ZNF519: variants seen among roughly 807,000 people sequenced by gnomAD.
ZNF519 encodes zinc finger protein 519, also known as similar to Zinc finger protein 85 (Zinc finger protein HPF4) (HTF1).
Under a neutral mutation model 7.4 loss-of-function variants are expected in ZNF519, and 7 were observed. The observed-to-expected ratio is 0.94, with a 90% CI of 0.54 to 1.77. The LOEUF (loss-of-function observed/expected upper bound fraction) is 1.77, where lower values mean the gene tolerates loss of function less well. Ranked by LOEUF, ZNF519 falls within the 40% of genes most tolerant of loss-of-function variation. The pLI is 0.00. For synonymous variants in ZNF519, 179 were observed against 203.3 expected (o/e 0.88, Z 1.02); for missense variants, 586 against 623.1 (o/e 0.94, Z 0.63).
chr18:14,119,788 G>A (rs939072630), intron 2 of ZNF519, among the ~76,000 whole-genome samples: 1 of 151,910 alleles, frequency 6.6e-6, no homozygotes, highest in Admixed American at 6.6e-5. Context: ...TTTCCATACA[G>A]TAACAACAAA....
chr18:14,085,414 GA>G (rs2046086464), intron 2 of ZNF519, among the ~76,000 whole-genome samples: 1 of 151,410 alleles, frequency 6.6e-6, no homozygotes, highest in South Asian at 2.1e-4. Context: ...GATTTTTTTG[GA>G]AAAAAAATTT....
rs747985613 is a variant in ZNF519, at chr18:14,105,435, T to C, written c.1105A>G (p.Ile369Val). 6.2e-7 allele frequency: 1 copy of C among 1,613,838 alleles called. No homozygotes were observed. Among genetic ancestry groups the C allele is most frequent in the East Asian group, 2.2e-5 (1 of 44,842 alleles). The stretch of plus-strand genomic sequence containing the variant: ...CTGAAAGGTTTCTCTCCGGTATGGA[T>C]TCTCTGGTGTTGAGTAAGGTATGAC... The part of the protein sequence containing the change: ...RGSYLTQHQR[I>V]HTGEKPFRCK... The change falls in exon 3 of 3, where the codon ATC becomes GTC. Residue 369 changes from isoleucine (I) to valine (V), a missense_variant. By Grantham distance (29) the Ile-to-Val change is conservative (BLOSUM62 3). Coordinates refer to ENST00000590202, the MANE Select transcript of ZNF519 (RefSeq NM_145287.4).
chr18:14,123,207 A>G (rs2046278465), intron 2 of ZNF519: 2 of 151,758 alleles, frequency 1.3e-5, no homozygotes, highest in East Asian at 3.9e-4. Flanking sequence ...AGATAGCAAC[A>G]CTTGTTTTAT....
Position 14,105,927 on chromosome 18 carries a change from G to C in ZNF519, c.613C>G (p.Gln205Glu). 3 of 1,609,228 alleles carry C rather than the reference G, an allele frequency of 1.9e-6. No individual in the cohort carries two copies. The highest frequency in any genetic ancestry group is 2.5e-6 in the Non-Finnish European group (3 of 1,178,062). ...KLIFPENIHI[Q>E]KKPYNSNECG... ...TCATTAGAGTTGTAAGGCTTTTTTT[G>C]AATATGGATATTTTCAGGGAAAATA... The change falls in exon 3 of 3, where the codon CAA becomes GAA. Residue 205 changes from glutamine (Q) to glutamate (E), a missense_variant. By Grantham distance (29) the Gln-to-Glu change is conservative. Transcript: ENST00000590202.
rs565866823 is a variant in ZNF519 at position 14,126,763 on chromosome 18, G to C, written c.4-2287C>G. Among the ~76,000 whole-genome samples the C allele has an allele frequency of 7.2e-5, 11 of 152,328 alleles. No individual in the cohort carries two copies. The South Asian group carries it at 2.3e-3, about 32-fold the overall frequency. Reference sequence around the variant, plus strand: ...CAAATCAAGGAAATTATTTCTGTGAGGGGAGGAACAAACCCTGGCTGAACC... The same window carrying C: ...CAAATCAAGGAAATTATTTCTGTGACGGGAGGAACAAACCCTGGCTGAACC... On this transcript the variant is annotated intron_variant, in intron 1 of 2. Transcript: ENST00000590202.
chr18:14,132,241 C>T (rs369554534), intron 1 of ZNF519, 34 bp downstream of exon 1: 20 of 1,613,040 alleles, frequency 1.2e-5, no homozygotes, highest in Middle Eastern at 1.7e-4. Flanking sequence ...GAGCCCCCTC[C>T]CCAGTCTCGG....
At chr18:14,083,372 C>T (rs771876241) in intron 3 of ZNF519, among the ~76,000 whole-genome samples, 29 of 151,892 alleles carry the variant, frequency 1.9e-4, no homozygotes, top group Non-Finnish European at 2.6e-4. Context: ...AAAAAACAAA[C>T]GAACAAACAA....
At chr18:14,093,428 CCTTTAT>C (rs1341082932) in intron 2 of ZNF519, among the ~76,000 whole-genome samples, 10 of 152,240 alleles carry the variant, frequency 6.6e-5, no homozygotes, top group Admixed American at 2.6e-4. Context: ...TTAACCAGTG[CCTTTAT>C]CTTTGACAGT....
chr18:14,108,013 A>AGGAAAGGATACAACGCT (rs2046202770), intron 2 of ZNF519, among the ~76,000 whole-genome samples: 1 of 152,168 alleles, frequency 6.6e-6, no homozygotes, highest in Non-Finnish European at 1.5e-5. Flanking sequence ...ACTACTCTGA[A>AGGAAAGGATACAACGCT]GGAAAGGATA....
Position 14,129,070 on chromosome 18 carries a change from G to C in ZNF519, c.3+3205C>G, listed in dbSNP as rs142250949. Among the ~76,000 whole-genome samples the C allele has an allele frequency of 2.6e-5, 4 of 152,204 alleles. No homozygotes were observed. The East Asian group carries it at 7.7e-4, about 29-fold the overall frequency. The stretch of plus-strand genomic sequence containing the variant: ...TCAAGAACTATGGGTGGGGATGCAG[G>C]GCAGAATTGGTTAAGGAACTGGTTT... On this transcript the variant is annotated intron_variant, in intron 1 of 2. Coordinates refer to ENST00000590202, the MANE Select transcript of ZNF519 (RefSeq NM_145287.4).
downstream of ZNF519, chr18:14,074,362 ACTG>A (rs2046039513): frequency 2.6e-5 from 4 of 152,328 alleles, no homozygotes; most frequent in Admixed American, 1.3e-4. Context: ...AGTGTCCTGC[ACTG>A]CACCCTGATG....
chr18:14,106,143 C>G lies in ZNF519; in HGVS notation c.397G>C (p.Ala133Pro). 6.2e-7 allele frequency: 1 copy of G among 1,611,664 alleles called. No homozygotes were observed. The highest frequency in any genetic ancestry group is 1.1e-5 in the South Asian group (1 of 90,522). Residue 133 changes from alanine to proline, a missense_variant, in exon 3 of 3, where the codon GCT becomes CCT. Ala to Pro is a conservative substitution (Grantham distance 27). Coordinates refer to ENST00000590202, the MANE Select transcript of ZNF519 (RefSeq NM_145287.4). ...IFQKKPQFLSAAPTEPCIPMN... is the reference protein window; with the variant it reads ...IFQKKPQFLSPAPTEPCIPMN... The stretch of plus-strand genomic sequence containing the variant: ...GGAATACATGGTTCTGTAGGAGCAG[C>G]TGACAGAAACTGAGGCTTCTTCTGA...
intron 1 of ZNF519, among the ~76,000 whole-genome samples, chr18:14,127,249 C>A (rs2046303623): frequency 6.6e-6 from 1 of 152,200 alleles, no homozygotes; most frequent in South Asian, 2.1e-4. Context: ...ATCTGGAAAA[C>A]TCAAAGGGCT....
chr18:14,110,908 G>C (rs2046217033), intron 2 of ZNF519, among the ~76,000 whole-genome samples: 1 of 152,030 alleles, frequency 6.6e-6, no homozygotes, highest in Admixed American at 6.6e-5. Flanking sequence ...CTGGGAGGCG[G>C]GTGAGGGATA....
intron 3 of ZNF519, chr18:14,082,417 C>T (rs1488359642): frequency 6.6e-6 from 1 of 151,994 alleles, no homozygotes; most frequent in Non-Finnish European, 1.5e-5. Flanking sequence ...ATAGATTCAC[C>T]GAACTATTTT....
At chr18:14,109,673 G>A (rs2046211286) in intron 2 of ZNF519, among the ~76,000 whole-genome samples, 1 of 151,998 alleles carries the variant, frequency 6.6e-6, no homozygotes, top group Admixed American at 6.6e-5. Flanking sequence ...TGTGATCATG[G>A]AAATACATGA....
chr18:14,087,602 G>A (rs1459195177), intron 2 of ZNF519, among the ~76,000 whole-genome samples: 2 of 152,070 alleles, frequency 1.3e-5, no homozygotes, highest in African/African-American at 2.4e-5. Flanking sequence ...AAACTCTTAG[G>A]AGCTACTGAT....
Position 14,105,703 on chromosome 18 carries a change from A to C in ZNF519, c.837T>G (p.His279Gln), listed in dbSNP as rs781114696. The C allele has an allele frequency of 6.2e-7, 1 of 1,613,734 alleles. No homozygotes were observed. Among genetic ancestry groups the C allele is most frequent in the Non-Finnish European group, 8.5e-7 (1 of 1,179,940 alleles). ...CAGTATGAATTTTCTGATGTCCAAG[A>C]TGTAAGCCCCTGGTAAAAGCTTTGC... ...ERGKAFTRGL[H>Q]LGHQKIHTGE... Residue 279 changes from histidine (H) to glutamine (Q), a missense_variant, in exon 3 of 3, where the codon CAT becomes CAG. Coordinates refer to ENST00000590202, the MANE Select transcript of ZNF519 (RefSeq NM_145287.4).
intron 3 of ZNF519, chr18:14,080,227 T>C: frequency 6.6e-6 from 1 of 150,666 alleles, no homozygotes; most frequent in Non-Finnish European, 1.5e-5. Context: ...CAACACCAAA[T>C]GCTGGCAAAG....
Sources: allele counts gnomAD v4.1 joint callset (sites outside exome capture counted in the v4.1 genomes callset), GRCh38; gene constraint gnomAD v4.1.1; transcripts MANE v1.5; gene names NCBI Gene and HGNC (gene_info 2026-07-23, HGNC 2026-07-21).